Variants in JAK2 observed in about 807,000 individuals in gnomAD.
The protein encoded by JAK2 is tyrosine-protein kinase JAK2.
Under a neutral mutation model 139.3 loss-of-function variants are expected in JAK2, and 86 were observed. That is an observed-to-expected ratio of 0.62 (90% CI 0.52 to 0.74). The LOEUF is 0.74. JAK2 is among the 30% of genes least tolerant of loss of function. The pLI is 0.00. For synonymous variants in JAK2, 490 were observed against 437.7 expected (o/e 1.12, Z -1.49); for missense variants, 1,421 against 1,360.3 (o/e 1.04, Z -0.70).
chr9:5,112,441 GAGA>G (rs772202146), intron 22 of JAK2: 171 of 526,910 alleles, frequency 3.2e-4, no homozygotes, highest in Non-Finnish European at 4.3e-4. Flanking sequence ...CACTCAAGAG[GAGA>G]AGAAGGAGCT....
intron 23 of JAK2, among the ~76,000 whole-genome samples, chr9:5,123,832 AT>A (rs1011937902): frequency 7.0e-6 from 1 of 142,850 alleles, no homozygotes. Context: ...TCTCTCTCTC[AT>A]TTTTTTTTCC....
intron 22 of JAK2, chr9:5,114,612 G>A (rs1822974665): frequency 4.1e-6 from 2 of 487,998 alleles, no homozygotes; most frequent in Non-Finnish European, 8.1e-6. Flanking sequence ...GTACAACGAG[G>A]TGCAGCTCCC....
Position 5,073,693 on chromosome 9 carries a change from C to G in JAK2, c.1777-5C>G, listed in dbSNP as rs1296049642. The G allele has an allele frequency of 6.3e-7, 1 of 1,593,366 alleles. No individual in the cohort carries two copies. On this transcript the variant is annotated splice_polypyrimidine_tract_variant and splice_region_variant and intron_variant, in intron 13 of 24. Coordinates refer to ENST00000381652, the MANE Select transcript of JAK2 (RefSeq NM_004972.4). ...ACAATTCTTTGTACTTTTTTTTTTC[C>G]TTAGTCTTTCTTTGAAGCAGCAAGT... is the stretch of plus-strand genomic sequence containing the variant.
intron 22 of JAK2, chr9:5,100,571 A>C (rs1013273789): frequency 6.6e-6 from 1 of 152,250 alleles, no homozygotes; most frequent in African/African-American, 2.4e-5. Context: ...TGCCAGAATT[A>C]GGAGGACACT....
chr9:5,015,693 C>T (rs1360339707), intron 2 of JAK2, among the ~76,000 whole-genome samples: 1 of 152,060 alleles, frequency 6.6e-6, no homozygotes, highest in Non-Finnish European at 1.5e-5. Context: ...AAGAAAAAAG[C>T]CAATTCGAGT....
At chr9:5,042,793 G>A (rs1816697025) in intron 4 of JAK2, among the ~76,000 whole-genome samples, 1 of 152,204 alleles carries the variant, frequency 6.6e-6, no homozygotes, top group Admixed American at 6.5e-5. Flanking sequence ...AAAACTAAAG[G>A]GGAACGGAGG....
intron 2 of JAK2, among the ~76,000 whole-genome samples, chr9:4,995,044 C>T (rs1820481753): frequency 6.6e-6 from 1 of 152,118 alleles, no homozygotes; most frequent in South Asian, 2.1e-4. Context: ...GCCAAATTGA[C>T]ATAGAAATAC....
At chr9:5,023,495 C>T (rs1173923979) in intron 3 of JAK2, among the ~76,000 whole-genome samples, 5 of 152,146 alleles carry the variant, frequency 3.3e-5, no homozygotes, top group African/African-American at 1.2e-4. Context: ...TTTGTGCTGT[C>T]TCTGGGCAGC....
intron 5 of JAK2, among the ~76,000 whole-genome samples, chr9:5,047,465 G>A (rs762074930): frequency 6.6e-6 from 1 of 152,128 alleles, no homozygotes; most frequent in Non-Finnish European, 1.5e-5. Flanking sequence ...CAAATAAACT[G>A]CTGACATGTG....
chr9:5,064,357 C>T (rs374794150), intron 8 of JAK2, among the ~76,000 whole-genome samples: 3 of 152,066 alleles, frequency 2.0e-5, no homozygotes, highest in African/African-American at 7.2e-5. Flanking sequence ...TGGCGAGAAC[C>T]TGTCTTTACT....
intron 8 of JAK2, among the ~76,000 whole-genome samples, chr9:5,060,668 C>T (rs535950209): frequency 1.3e-5 from 2 of 152,282 alleles, no homozygotes; most frequent in South Asian, 4.1e-4. Flanking sequence ...CCATTGAAGT[C>T]GTGAACCCCT....
chr9:5,059,993 C>G (rs1818042617), intron 8 of JAK2, among the ~76,000 whole-genome samples: 1 of 152,076 alleles, frequency 6.6e-6, no homozygotes, highest in Non-Finnish European at 1.5e-5. Context: ...ATTTCTAGTT[C>G]AGTTCTGGAC....
chr9:5,069,574 C>G (rs1169402166), intron 11 of JAK2, among the ~76,000 whole-genome samples: 2 of 151,922 alleles, frequency 1.3e-5, no homozygotes, highest in African/African-American at 4.8e-5. Context: ...GTTGGAAATT[C>G]CTTGAAATAA....
chr9:5,012,779 G>C (rs1162042190), intron 2 of JAK2, among the ~76,000 whole-genome samples: 1 of 152,164 alleles, frequency 6.6e-6, no homozygotes, highest in Non-Finnish European at 1.5e-5. Context: ...AGAGCACATA[G>C]CAAGAGTTGT....
At chr9:5,072,650 C>G (rs141072968) in intron 13 of JAK2, 24 bp downstream of exon 13, 20 of 1,539,790 alleles carry the variant, frequency 1.3e-5, no homozygotes, top group Middle Eastern at 1.9e-4. Flanking sequence ...TTATATTGTT[C>G]ATGTAGTTTA....
intron 22 of JAK2, among the ~76,000 whole-genome samples, chr9:5,092,793 GC>G (rs1820688346): frequency 6.6e-6 from 1 of 152,182 alleles, no homozygotes; most frequent in Non-Finnish European, 1.5e-5. Context: ...AGCCTATCAA[GC>G]CTGCTGATAG....
intron 2 of JAK2, among the ~76,000 whole-genome samples, chr9:5,009,401 A>G (rs554668618): frequency 3.1e-4 from 47 of 152,264 alleles, no homozygotes; most frequent in African/African-American, 1.1e-3. Flanking sequence ...CAGGAACACT[A>G]TGAAATGCCC....
chr9:4,995,918 T>C (rs962190645), intron 2 of JAK2, among the ~76,000 whole-genome samples: 1 of 152,210 alleles, frequency 6.6e-6, no homozygotes, highest in African/African-American at 2.4e-5. Context: ...TGCTAACTTA[T>C]GTGTCTGCTC....
chr9:5,027,812 T>G (rs1822876664), intron 3 of JAK2, among the ~76,000 whole-genome samples: 1 of 152,206 alleles, frequency 6.6e-6, no homozygotes, highest in African/African-American at 2.4e-5. Flanking sequence ...AAGCAATTCC[T>G]TATATGTCCA....
Sources: gnomAD v4.1 joint callset for allele counts (sites outside exome capture counted in the v4.1 genomes callset) on GRCh38, gnomAD v4.1.1 for gene constraint, MANE v1.5 for transcripts, NCBI Gene and HGNC (gene_info 2026-07-23, HGNC 2026-07-21) for gene names.